The following DOP1A variants were observed in gnomAD, a reference collection of about 807,000 sequenced individuals.
DOP1A encodes DOP1 leucine zipper like protein A.
DOP1A carries 90 observed loss-of-function variants against 267.6 expected under a neutral mutation model. That is an observed-to-expected ratio of 0.34 (90% CI 0.28 to 0.40). The LOEUF is 0.40. Ranked by LOEUF, DOP1A falls within the 10% of genes least tolerant of loss-of-function variation. The pLI is 1.00. For missense variants in DOP1A, 2,437 were observed against 2,900.4 expected, an observed-to-expected ratio of 0.84 and a Z score of 3.67; for synonymous variants, 932 against 999.1, an observed-to-expected ratio of 0.93 and a Z score of 1.27.
At chr6:83,145,701 C>T (rs539800221) in intron 25 of DOP1A, 43 bp downstream of exon 25, 1 of 1,590,126 alleles carries the variant, frequency 6.3e-7, no homozygotes, top group East Asian at 2.3e-5. Flanking sequence ...AATTCTGTTT[C>T]AGAAATTATG....
chr6:83,166,684 A>T, intron 38 of DOP1A: 1 of 1,249,176 alleles, frequency 8.0e-7, no homozygotes, highest in Non-Finnish European at 1.0e-6. Flanking sequence ...GCACCAACCT[A>T]ATATTTTCCT....
chr6:83,161,194 C>T (rs1455932144), intron 37 of DOP1A: 1 of 152,036 alleles, frequency 6.6e-6, no homozygotes, highest in East Asian at 1.9e-4. Context: ...TTTTATCTTC[C>T]ATGACAAGAA....
At position 83,108,888 on chromosome 6, in the gene DOP1A, T is replaced by G; in HGVS notation, c.321-22T>G. On this transcript the variant is annotated intron_variant, in intron 4 of 38. Coordinates refer to ENST00000349129, the MANE Select transcript of DOP1A (RefSeq NM_015018.4). Reference sequence around the variant, plus strand: ...GTATAGTTATTTTGCTTCCTTCTCCTTTGTCTTTATTTTTTTAATAGTTCT... The same window carrying G: ...GTATAGTTATTTTGCTTCCTTCTCCGTTGTCTTTATTTTTTTAATAGTTCT... The G allele has an allele frequency of 2.5e-6, 4 of 1,599,720 alleles. 1 individual carries two copies. Among genetic ancestry groups the G allele is most frequent in the Non-Finnish European group, 3.4e-6 (4 of 1,173,292 alleles).
intron 25 of DOP1A, 100 bp downstream of exon 25, chr6:83,145,758 A>G: frequency 8.9e-7 from 1 of 1,117,364 alleles, no homozygotes; most frequent in African/African-American, 1.6e-5. Context: ...AATATAGTAC[A>G]GATTGCAGAG....
intron 7 of DOP1A, among the ~76,000 whole-genome samples, chr6:83,113,708 T>C (rs921084687): frequency 1.3e-5 from 2 of 152,206 alleles, no homozygotes; most frequent in African/African-American, 4.8e-5. Context: ...TAACTCTGAG[T>C]AAGCCAAGAC....
chr6:83,150,472 A>G (rs1781431195), intron 27 of DOP1A, among the ~76,000 whole-genome samples: 1 of 152,204 alleles, frequency 6.6e-6, no homozygotes, highest in African/African-American at 2.4e-5. Flanking sequence ...TGTTAAAACA[A>G]AAAGTTGAAA....
At chr6:83,104,454 A>G (rs1398324380) in intron 4 of DOP1A, among the ~76,000 whole-genome samples, 2 of 151,910 alleles carry the variant, frequency 1.3e-5, no homozygotes, top group East Asian at 3.9e-4. Flanking sequence ...CTTTTTTTCC[A>G]TCTTTGTTTA....
At chr6:83,121,638 AAGC>A (rs1776400720) in intron 10 of DOP1A, among the ~76,000 whole-genome samples, 1 of 151,724 alleles carries the variant, frequency 6.6e-6, no homozygotes, top group Admixed American at 6.6e-5. Flanking sequence ...GAGGAAACTA[AAGC>A]TCAAAGAAGT....
At position 83,162,794 on chromosome 6, in the gene DOP1A, C is replaced by T; in HGVS notation, c.6967C>T (p.Arg2323Ter). ...SENLPQFQMY[R>*]WAFIPEASDD... is the part of the protein sequence containing the mutation. ...ATGTCATTATTCTATACATAGGTACCGATGGGCCTTTATTCCAGAAGCCTC... is the reference window on the plus strand; with the variant it reads ...ATGTCATTATTCTATACATAGGTACTGATGGGCCTTTATTCCAGAAGCCTC... Residue 2323 changes from arginine to a stop codon, truncating the protein, a stop_gained, in exon 38 of 39, where the codon CGA (arginine) becomes TGA (stop). Transcript: ENST00000349129. LOFTEE classifies it high-confidence loss of function. 1.9e-6 allele frequency: 3 copies of T among 1,611,200 alleles called. No homozygotes were observed. The highest frequency in any genetic ancestry group is 1.7e-6 in the Non-Finnish European group (2 of 1,178,510).
At chr6:83,119,559 T>C (rs970750243) in intron 8 of DOP1A, among the ~76,000 whole-genome samples, 189 bp from the exon 9 acceptor site, 2 of 152,126 alleles carry the variant, frequency 1.3e-5, no homozygotes, top group African/African-American at 4.8e-5. Flanking sequence ...GGAAGAATAC[T>C]ATGATACTTA....
chr6:83,128,208 TTAAAC>T (rs1361241824), intron 15 of DOP1A, among the ~76,000 whole-genome samples: 3 of 152,214 alleles, frequency 2.0e-5, no homozygotes, highest in African/African-American at 7.2e-5. Flanking sequence ...TAACTTTTAC[TTAAAC>T]TAAGCCAGAA....
chr6:83,142,520 AATAAAG>A (rs906952382), intron 24 of DOP1A, among the ~76,000 whole-genome samples: 2 of 152,104 alleles, frequency 1.3e-5, no homozygotes, highest in Non-Finnish European at 2.9e-5. Flanking sequence ...AAAATAAATA[AATAAAG>A]ATAAAAATAA....
rs371956211 is a variant in DOP1A, at chr6:83,137,236, T to C, written c.3194T>C (p.Ile1065Thr). ...NGEKPLTMDE[I>T]ENFSLTVNPL... ...GAAAAGCCACTTACCATGGATGAAA[T>C]AGAGAACTTTAGTCTCACTGTGAAT... The change falls in exon 21 of 39, where the codon ATA becomes ACA. Residue 1065 changes from isoleucine (I) to threonine (T), a missense_variant. Coordinates refer to ENST00000349129, the MANE Select transcript of DOP1A (RefSeq NM_015018.4). 43 of 1,606,700 alleles carry C rather than the reference T, an allele frequency of 2.7e-5. No individual in the cohort carries two copies. The highest frequency in any genetic ancestry group is 3.6e-5 in the Non-Finnish European group (42 of 1,175,544).
intron 24 of DOP1A, 98 bp downstream of exon 24, chr6:83,142,144 CGAGTGTAA>C (rs1051150249): frequency 1.4e-6 from 2 of 1,411,160 alleles, no homozygotes; most frequent in African/African-American, 1.5e-5. Flanking sequence ...GGGGTAGATT[CGAGTGTAA>C]AGCAAAAGTC....
In DOP1A at chr6:83,129,516, C is replaced by T. The variant is rs1214164349; in HGVS notation, c.2341+8C>T. On this transcript the variant is annotated splice_region_variant and intron_variant, in intron 16 of 38. Coordinates refer to ENST00000349129, the MANE Select transcript of DOP1A (RefSeq NM_015018.4). ...CTGAAAAATTGGAGACTGGTAAGGTCATCTCAGTTTTGCTTATATTTCAGT... is the reference window on the plus strand; with the variant it reads ...CTGAAAAATTGGAGACTGGTAAGGTTATCTCAGTTTTGCTTATATTTCAGT... 6.7e-7 allele frequency: 1 copy of T among 1,501,178 alleles called. No homozygotes were observed. Among genetic ancestry groups the T allele is most frequent in the Non-Finnish European group, 8.8e-7 (1 of 1,132,090 alleles). The allele number at this position is 1,501,178 out of a possible 1,614,324, so 93.0% of individuals were successfully genotyped here.
At chr6:83,162,428 A>G (rs1200725434) in intron 37 of DOP1A, among the ~76,000 whole-genome samples, 1 of 152,196 alleles carries the variant, frequency 6.6e-6, no homozygotes, top group Non-Finnish European at 1.5e-5. Flanking sequence ...GTTGCAGTAC[A>G]AAGAGATAAG....
intron 15 of DOP1A, among the ~76,000 whole-genome samples, chr6:83,128,399 G>C (rs889733601): frequency 6.6e-6 from 1 of 152,138 alleles, no homozygotes; most frequent in African/African-American, 2.4e-5. Flanking sequence ...TCTGGCACAT[G>C]ATAGGAGTTC....
intron 1 of DOP1A, among the ~76,000 whole-genome samples, chr6:83,092,687 A>G (rs1770680824): frequency 6.6e-6 from 1 of 151,698 alleles, no homozygotes; most frequent in East Asian, 1.9e-4. Context: ...ATAAAGTTTA[A>G]TTTACAAATT....
intron 15 of DOP1A, among the ~76,000 whole-genome samples, chr6:83,128,182 A>G (rs1027912856): frequency 2.6e-5 from 4 of 152,212 alleles, no homozygotes; most frequent in Non-Finnish European, 5.9e-5. Flanking sequence ...TCAGTCACCC[A>G]AGGAATTCTT....
Sources: gnomAD v4.1 joint callset for allele counts (sites outside exome capture counted in the v4.1 genomes callset) on GRCh38, gnomAD v4.1.1 for gene constraint, MANE v1.5 for transcripts, NCBI Gene and HGNC (gene_info 2026-07-23, HGNC 2026-07-21) for gene names.